The following ROBO1 variants were observed in gnomAD, a reference collection of about 807,000 sequenced individuals.
The protein encoded by ROBO1 is roundabout guidance receptor 1.
Under a neutral mutation model 195.9 loss-of-function variants are expected in ROBO1, and 149 were observed. That is an observed-to-expected ratio of 0.76 (90% CI 0.67 to 0.87). The LOEUF (loss-of-function observed/expected upper bound fraction) is 0.87, where lower values mean the gene tolerates loss of function less well. Ranked by LOEUF, ROBO1 falls within the 40% of genes least tolerant of loss-of-function variation. The pLI is 0.00. For missense variants in ROBO1, 1,933 were observed against 2,068.3 expected (o/e 0.93, Z 1.27); for synonymous variants, 816 against 733.2 (o/e 1.11, Z -1.82).
chr3:79,063,916 T>G (rs1385129468), intron 3 of ROBO1, among the ~76,000 whole-genome samples: 1 of 151,788 alleles, frequency 6.6e-6, no homozygotes, highest in Non-Finnish European at 1.5e-5. Context: ...GGGAGTAGAA[T>G]AGAGGCCACC....
chr3:79,489,440 G>A (rs1047524898), intron 2 of ROBO1, among the ~76,000 whole-genome samples: 1 of 151,974 alleles, frequency 6.6e-6, no homozygotes, highest in East Asian at 1.9e-4. Flanking sequence ...CGGATCACGA[G>A]GTCAAGAGAT....
chr3:78,980,767 C>A (rs1447209243), intron 3 of ROBO1, among the ~76,000 whole-genome samples: 1 of 152,102 alleles, frequency 6.6e-6, no homozygotes, highest in East Asian at 1.9e-4. Context: ...CTATAAACCT[C>A]CTCAAAACAC....
intron 2 of ROBO1, among the ~76,000 whole-genome samples, chr3:79,543,769 C>T (rs1221851269): frequency 6.6e-6 from 1 of 152,040 alleles, no homozygotes; most frequent in East Asian, 1.9e-4. Flanking sequence ...ATTCATCTAG[C>T]TCTTACTATA....
chr3:79,208,000 C>T (rs2081902455), intron 2 of ROBO1, among the ~76,000 whole-genome samples: 1 of 152,000 alleles, frequency 6.6e-6, no homozygotes, highest in African/African-American at 2.4e-5. Flanking sequence ...AAGAAATTCT[C>T]TAAAAAAAGT....
At chr3:78,847,558 T>C (rs2033751650) in intron 4 of ROBO1, among the ~76,000 whole-genome samples, 1 of 152,124 alleles carries the variant, frequency 6.6e-6, no homozygotes, top group African/African-American at 2.4e-5. Flanking sequence ...ATTATAAATA[T>C]CAGAAAAATG....
chr3:78,898,142 T>C (rs1323332007), intron 4 of ROBO1, among the ~76,000 whole-genome samples: 1 of 147,296 alleles, frequency 6.8e-6, no homozygotes, highest in Non-Finnish European at 1.5e-5. Context: ...TTCTAAAACA[T>C]ATATATATAT....
intron 2 of ROBO1, among the ~76,000 whole-genome samples, chr3:79,210,003 GGAGGCAAAA>G (rs1361933629): frequency 6.6e-6 from 1 of 151,982 alleles, no homozygotes; most frequent in Admixed American, 6.6e-5. Context: ...ACTTAACCAA[GGAGGCAAAA>G]GATCTCTACA....
rs1166865675 is a variant in ROBO1, at chr3:79,763,044, T to A, written c.-51+4708A>T. ...AGATAAGCAAGTGTGGCAGGGAGGA[T>A]GATACCTGTGGCTTTGAATGCTTTC... On this transcript the variant is annotated intron_variant, in intron 1 of 30. Transcript: ENST00000464233. Among the ~76,000 whole-genome samples, 4 of 152,188 alleles carry A rather than the reference T, an allele frequency of 2.6e-5. No homozygotes were observed. The East Asian group carries it at 7.7e-4, about 29-fold the overall frequency.
At chr3:79,171,184 A>C (rs1335080554) in intron 2 of ROBO1, among the ~76,000 whole-genome samples, 2 of 150,066 alleles carry the variant, frequency 1.3e-5, no homozygotes, top group Non-Finnish European at 3.0e-5. Context: ...CAAAGCTTAT[A>C]AATTAATAAT....
At chr3:79,382,403 A>G (rs2036605214) in intron 2 of ROBO1, among the ~76,000 whole-genome samples, 1 of 152,164 alleles carries the variant, frequency 6.6e-6, no homozygotes, top group Non-Finnish European at 1.5e-5. Flanking sequence ...TTGTGTAGGG[A>G]AGCATTTGGA....
At chr3:78,744,756 A>G (rs555849463) in intron 5 of ROBO1, among the ~76,000 whole-genome samples, 22 of 152,264 alleles carry the variant, frequency 1.4e-4, no homozygotes, top group African/African-American at 4.6e-4. Flanking sequence ...TAAAATTTCA[A>G]TCCCACCTGA....
chr3:79,162,490 A>G (rs2108668237), intron 2 of ROBO1, among the ~76,000 whole-genome samples: 1 of 152,230 alleles, frequency 6.6e-6, no homozygotes, highest in East Asian at 1.9e-4. Flanking sequence ...GTGAAATGGA[A>G]GAAAATACAT....
At chr3:79,023,589 A>G (rs2108281205) in intron 3 of ROBO1, among the ~76,000 whole-genome samples, 1 of 152,074 alleles carries the variant, frequency 6.6e-6, no homozygotes, top group Non-Finnish European at 1.5e-5. Context: ...TGTGTTCCAA[A>G]ACAAAAATCA....
chr3:79,496,347 C>A (rs1305964796), intron 2 of ROBO1, among the ~76,000 whole-genome samples: 2 of 146,454 alleles, frequency 1.4e-5, no homozygotes, highest in Non-Finnish European at 3.0e-5. Flanking sequence ...AAAAACAAAT[C>A]TTTGCTGGTT....
At chr3:78,896,222 T>C (rs2037218866) in intron 4 of ROBO1, among the ~76,000 whole-genome samples, 1 of 152,148 alleles carries the variant, frequency 6.6e-6, no homozygotes, top group African/African-American at 2.4e-5. Context: ...TCAGAGAGAA[T>C]TACATTCTCC....
intron 2 of ROBO1, among the ~76,000 whole-genome samples, chr3:79,355,790 TTTTC>T (rs2035528033): frequency 6.6e-6 from 1 of 152,186 alleles, no homozygotes; most frequent in Admixed American, 6.5e-5. Context: ...ATACATCACA[TTTTC>T]TTTATCCATT....
chr3:78,640,978 T>C (rs1327995380), intron 21 of ROBO1, among the ~76,000 whole-genome samples: 4 of 152,194 alleles, frequency 2.6e-5, no homozygotes, highest in Non-Finnish European at 4.4e-5. Context: ...AAATGATGGT[T>C]GAGAAGTAAT....
At chr3:79,266,244 C>T (rs2029935067) in intron 2 of ROBO1, among the ~76,000 whole-genome samples, 1 of 151,450 alleles carries the variant, frequency 6.6e-6, no homozygotes, top group Non-Finnish European at 1.5e-5. Flanking sequence ...AGCGAGAGCT[C>T]AAATACATGT....
At chr3:78,656,167 T>C (rs1707000070) in intron 18 of ROBO1, among the ~76,000 whole-genome samples, 1 of 152,120 alleles carries the variant, frequency 6.6e-6, no homozygotes, top group Non-Finnish European at 1.5e-5. Flanking sequence ...CAAATTGTGT[T>C]TAACTTTCTA....
Sources: gnomAD v4.1 joint callset for allele counts (sites outside exome capture counted in the v4.1 genomes callset) on GRCh38, gnomAD v4.1.1 for gene constraint, MANE v1.5 for transcripts, NCBI Gene and HGNC (gene_info 2026-07-23, HGNC 2026-07-21) for gene names.